Variants in EXOC4 observed in about 807,000 individuals in gnomAD.
EXOC4 encodes SEC8-like 1.
EXOC4 carries 71 observed loss-of-function variants against 107.2 expected under a neutral mutation model. The ratio of observed to expected loss-of-function variants is 0.66; its 90% CI spans 0.55 to 0.81. EXOC4 has a LOEUF of 0.81. Among genes scored for constraint, EXOC4 ranks in the 30% least tolerant of loss-of-function variants. EXOC4 has a pLI of 0.00. For synonymous variants in EXOC4, 456 were observed against 441.2 expected (o/e 1.03, Z -0.42); for missense variants, 1,108 against 1,189.6 (o/e 0.93, Z 1.01).
intron 2 of EXOC4, among the ~76,000 whole-genome samples, chr7:133,279,032 A>G (rs936121122): frequency 6.9e-6 from 1 of 144,338 alleles, no homozygotes; most frequent in African/African-American, 2.6e-5. Flanking sequence ...ATGTGTTCTC[A>G]TTGTTCAATT....
chr7:133,655,278 A>G (rs975182893), intron 10 of EXOC4, among the ~76,000 whole-genome samples: 3 of 152,126 alleles, frequency 2.0e-5, no homozygotes, highest in African/African-American at 7.2e-5. Flanking sequence ...TATATTTTAT[A>G]ATGATTAAAT....
At chr7:133,970,001 C>T (rs561133363) in intron 14 of EXOC4, among the ~76,000 whole-genome samples, 1 of 152,294 alleles carries the variant, frequency 6.6e-6, no homozygotes, top group South Asian at 2.1e-4. Flanking sequence ...ATCCATAAGC[C>T]CCTGACTGGG....
At chr7:133,319,657 T>G (rs2150584634) in intron 5 of EXOC4, among the ~76,000 whole-genome samples, 1 of 152,088 alleles carries the variant, frequency 6.6e-6, no homozygotes, top group East Asian at 1.9e-4. Flanking sequence ...ACCCAGCTAA[T>G]TTTTGTAGAA....
At chr7:133,655,817 A>G (rs754924617) in intron 10 of EXOC4, among the ~76,000 whole-genome samples, 2 of 152,244 alleles carry the variant, frequency 1.3e-5, no homozygotes, top group Admixed American at 1.3e-4. Context: ...ATAAGGAGGA[A>G]TACACTCTCA....
chr7:134,040,481 A>C (rs1297366199), intron 17 of EXOC4, among the ~76,000 whole-genome samples: 1 of 152,142 alleles, frequency 6.6e-6, no homozygotes, highest in African/African-American at 2.4e-5. Context: ...CCTCTGGAAT[A>C]ATTGACTGCT....
At position 133,275,064 on chromosome 7, in the gene EXOC4, G is replaced by T; in HGVS notation, c.169G>T (p.Asp57Tyr). The T allele has an allele frequency of 8.1e-6, 13 of 1,613,832 alleles. No homozygotes were observed. The highest frequency in any genetic ancestry group is 1.0e-5 in the Non-Finnish European group (12 of 1,179,798). The part of the protein sequence containing the change: ...LEEAYEKCDR[D>Y]LDELIVQHYT... ...AGAAGCCTACGAGAAATGTGACCGT[G>T]ACCTGGATGAATTGATTGTACAGCA... is the stretch of plus-strand genomic sequence containing the variant. Residue 57 changes from aspartate (D) to tyrosine (Y), a missense_variant, in exon 2 of 18, where the codon GAC becomes TAC. Transcript: ENST00000253861.
At chr7:133,873,986 G>A (rs1313840386) in intron 11 of EXOC4, among the ~76,000 whole-genome samples, 1 of 152,164 alleles carries the variant, frequency 6.6e-6, no homozygotes, top group East Asian at 1.9e-4. Flanking sequence ...GCATTCTAGT[G>A]ATTTCCAGTA....
rs557737674 is a variant in EXOC4 at position 133,527,684 on chromosome 7, A to G, written c.1417+47546A>G. ...TAATTATAACAGTAGGTTTCGGTTC[A>G]TTTTGTGATGCATAGAAAATGTGAA... On this transcript the variant is annotated intron_variant, in intron 9 of 17. Coordinates refer to ENST00000253861, the MANE Select transcript of EXOC4 (RefSeq NM_021807.4). 9.0e-4 allele frequency among the ~76,000 whole-genome samples: 137 copies of G among 152,300 alleles called. 1 individual carries two copies. In the South Asian group the frequency reaches 0.013, roughly 14 times the overall value.
intron 14 of EXOC4, among the ~76,000 whole-genome samples, chr7:133,961,453 ATTT>A (rs35564607): frequency 6.7e-6 from 1 of 150,240 alleles, no homozygotes; most frequent in Non-Finnish European, 1.5e-5. Context: ...CACCTGGCTA[ATTT>A]TTTTTATTTT....
intron 2 of EXOC4, among the ~76,000 whole-genome samples, chr7:133,288,225 A>G (rs1311870982): frequency 6.6e-6 from 1 of 152,190 alleles, no homozygotes; most frequent in East Asian, 1.9e-4. Context: ...TTCCTATCAC[A>G]TGCATCACAG....
intron 4 of EXOC4, among the ~76,000 whole-genome samples, chr7:133,307,734 G>A (rs1440354351): frequency 6.6e-6 from 1 of 152,126 alleles, no homozygotes; most frequent in Non-Finnish European, 1.5e-5. Context: ...CATGACACAA[G>A]CAGGGGCTTC....
At chr7:133,876,247 TG>T (rs1374185588) in intron 11 of EXOC4, among the ~76,000 whole-genome samples, 2 of 151,964 alleles carry the variant, frequency 1.3e-5, no homozygotes, top group African/African-American at 4.8e-5. Flanking sequence ...TGTGTGTGTG[TG>T]TGTGTGTGTA....
At chr7:133,777,945 A>G (rs1034517852) in intron 10 of EXOC4, among the ~76,000 whole-genome samples, 5 of 152,186 alleles carry the variant, frequency 3.3e-5, no homozygotes, top group Non-Finnish European at 7.3e-5. Flanking sequence ...GCTTTCTGGA[A>G]TTACATCATC....
At chr7:134,089,671 A>T in the EXOC4 span, among the ~76,000 whole-genome samples, 2 of 152,226 alleles carry the variant, frequency 1.3e-5, no homozygotes, top group Admixed American at 6.5e-5. Flanking sequence ...GAATTGCGTG[A>T]CCTACACAGA....
chr7:133,759,485 A>C (rs937083963), intron 10 of EXOC4, among the ~76,000 whole-genome samples: 3 of 152,188 alleles, frequency 2.0e-5, no homozygotes, highest in African/African-American at 7.2e-5. Flanking sequence ...GTATTATCTC[A>C]CTTAAAAACA....
intron 14 of EXOC4, among the ~76,000 whole-genome samples, chr7:133,954,914 AC>A (rs1469534710): frequency 9.2e-5 from 14 of 152,258 alleles, no homozygotes; most frequent in Non-Finnish European, 1.8e-4. Flanking sequence ...CAGGCATACC[AC>A]AAGCAGCTTC....
At position 133,939,406 on chromosome 7, in the gene EXOC4, C is replaced by G. The variant is rs1800376210; in HGVS notation, c.2206+1337C>G. Among the ~76,000 whole-genome samples the G allele has an allele frequency of 3.9e-5, 6 of 152,098 alleles. No homozygotes were observed. In the South Asian group the frequency reaches 1.2e-3, roughly 32 times the overall value. ...GCTGATTCTCTGCCTATCCCAAGGG[C>G]CAATGCAGGGTGGGAAGAAGGGACT... On this transcript the variant is annotated intron_variant, in intron 14 of 17. Transcript: ENST00000253861.
intron 10 of EXOC4, among the ~76,000 whole-genome samples, chr7:133,681,089 G>A (rs1794176954): frequency 6.6e-6 from 1 of 152,228 alleles, no homozygotes; most frequent in East Asian, 1.9e-4. Context: ...ATGCCTGTGT[G>A]TTTTGACTTA....
chr7:133,673,350 G>A lies in EXOC4; in HGVS notation c.1514+43209G>A, dbSNP rs1793988509. ...AAGTAGATTTTACCCCAAATCTCTG[G>A]TAGCTAGATCTGATTATTTTTCCAT... On this transcript the variant is annotated intron_variant, in intron 10 of 17. Transcript: ENST00000253861. 1.3e-5 allele frequency among the ~76,000 whole-genome samples: 2 copies of A among 152,174 alleles called. 1 individual carries two copies. Among genetic ancestry groups the A allele is most frequent in the South Asian group, 4.1e-4 (2 of 4,822 alleles).
Sources: gnomAD v4.1 joint callset for allele counts (sites outside exome capture counted in the v4.1 genomes callset) on GRCh38, gnomAD v4.1.1 for gene constraint, MANE v1.5 for transcripts, NCBI Gene and HGNC (gene_info 2026-07-23, HGNC 2026-07-21) for gene names.